The following HSPA14 variants were observed in gnomAD, a reference collection of about 807,000 sequenced individuals.
HSPA14 encodes heat shock protein family A (Hsp70) member 14.
HSPA14 carries 37 observed loss-of-function variants against 65.5 expected under a neutral mutation model. That is an observed-to-expected ratio of 0.56 (90% confidence interval 0.43 to 0.74). HSPA14 has a LOEUF of 0.74. Ranked by LOEUF, HSPA14 falls within the 30% of genes least tolerant of loss-of-function variation. The pLI is 0.00. For missense variants in HSPA14, 564 were observed against 607.6 expected (o/e 0.93, Z 0.75); for synonymous variants, 203 against 214.2 (o/e 0.95, Z 0.46).
In HSPA14 at chr10:14,841,834, C is replaced by T. The variant is rs184323566; in HGVS notation, c.221+1677C>T. Among the ~76,000 whole-genome samples, 477 of 152,346 alleles carry T rather than the reference C, an allele frequency of 3.1e-3. 2 individuals carry two copies. Among genetic ancestry groups the T allele is most frequent in the African/African-American group, 0.011 (456 of 41,580 alleles). ...CGTGGTCATGCTTGGACTCCTTTAG[C>T]GTTAGCTGCCTCATGGTCCAGGTGA... On this transcript the variant is annotated intron_variant, in intron 3 of 13. Coordinates refer to ENST00000378372, the MANE Select transcript of HSPA14 (RefSeq NM_016299.4).
chr10:14,869,208 TGA>T (rs1237412945), intron 12 of HSPA14, among the ~76,000 whole-genome samples: 1 of 150,724 alleles, frequency 6.6e-6, no homozygotes, highest in African/African-American at 2.5e-5. Flanking sequence ...TTATTAGTGA[TGA>T]GATATTGTGT....
chr10:14,842,473 C>T lies in HSPA14; in HGVS notation c.221+2316C>T. ...TCCGCCGCACCGAACGTCAGTGCCGCTCCAAGTTTAAAGTTCTGAAGGCAT... is the reference window on the plus strand; with the variant it reads ...TCCGCCGCACCGAACGTCAGTGCCGTTCCAAGTTTAAAGTTCTGAAGGCAT... On this transcript the variant is annotated intron_variant, in intron 3 of 13. Coordinates refer to ENST00000378372, the MANE Select transcript of HSPA14 (RefSeq NM_016299.4). This position sits in a 1 kb window ranked among gnomAD's most constrained non-coding sequence, Gnocchi z 5.2. 2 of 1,536,160 alleles carry T rather than the reference C, an allele frequency of 1.3e-6. No homozygotes were observed. Among genetic ancestry groups the T allele is most frequent in the South Asian group, 1.2e-5 (1 of 84,068 alleles).
At chr10:14,860,748 G>A (rs1451771907) in intron 10 of HSPA14, among the ~76,000 whole-genome samples, 2 of 152,108 alleles carry the variant, frequency 1.3e-5, no homozygotes, top group East Asian at 3.9e-4. Flanking sequence ...TGAAGAGTTC[G>A]CTGTAGATCG....
At position 14,838,446 on chromosome 10, in the gene HSPA14, T is replaced by C; in HGVS notation, c.44T>C (p.Val15Ala). The change falls in exon 1 of 14, where the codon GTG becomes GCG. Residue 15 changes from valine (V) to alanine (A), a missense_variant. By Grantham distance (64) the Val-to-Ala change is moderately conservative. Coordinates refer to ENST00000378372, the MANE Select transcript of HSPA14 (RefSeq NM_016299.4). ...CACCTGGGCTGCACCTCAGCCTGTG[T>C]GGCCGTCTATAAGGTGAGGGGCTGC... is the stretch of plus-strand genomic sequence containing the variant. ...GVHLGCTSAC[V>A]AVYKDGRAGV... 5 of 1,605,822 alleles carry C rather than the reference T, an allele frequency of 3.1e-6. No homozygotes were observed. Among genetic ancestry groups the C allele is most frequent in the Non-Finnish European group, 4.2e-6 (5 of 1,178,200 alleles).
chr10:14,846,450 G>T, intron 3 of HSPA14: 3 of 985,272 alleles, frequency 3.0e-6, no homozygotes, highest in Non-Finnish European at 3.6e-6. Flanking sequence ...TCAAGGGAAA[G>T]GTCTTGAATA....
intron 10 of HSPA14, among the ~76,000 whole-genome samples, chr10:14,865,550 A>C (rs956180997): frequency 6.6e-6 from 1 of 152,214 alleles, no homozygotes; most frequent in African/African-American, 2.4e-5. Flanking sequence ...TGGCTAGCCA[A>C]GTTTTCCCAG....
At chr10:14,855,632 A>T (rs767918436) in intron 9 of HSPA14, among the ~76,000 whole-genome samples, 4 of 151,992 alleles carry the variant, frequency 2.6e-5, no homozygotes, top group African/African-American at 9.7e-5. Context: ...AATGACCTAG[A>T]CTCTCCTGTC....
At position 14,848,914 on chromosome 10, in the gene HSPA14, A is replaced by AGT. The variant is rs1834086724; in HGVS notation, c.376+19_376+20insGT. 2 of 1,221,850 alleles carry AGT rather than the reference A, an allele frequency of 1.6e-6. No homozygotes were observed. Among genetic ancestry groups the AGT allele is most frequent in the African/African-American group, 3.0e-5 (2 of 65,852 alleles). The allele number at this position is 1,221,850 out of a possible 1,614,324, so 75.7% of individuals were successfully genotyped here. A position where few individuals can be genotyped will look rare whatever the true frequency, so the allele number is the denominator to read the frequency against. On this transcript the variant is annotated intron_variant, in intron 5 of 13. Coordinates refer to ENST00000378372, the MANE Select transcript of HSPA14 (RefSeq NM_016299.4). ...ATGAAAGGTATTTAGCAAAAGATAT[A>AGT]TAATAGTTACCTTTAATGATCTTTT...
Position 14,852,544 on chromosome 10 carries a change from G to A in HSPA14, c.734+13G>A. The stretch of plus-strand genomic sequence containing the variant: ...CTGAGTTCCAAAGGTGAGTGTTAAT[G>A]GCCTGAATAATACCTTCTGATTGAG... On this transcript the variant is annotated intron_variant, in intron 8 of 13. Transcript: ENST00000378372. 1 of 1,597,514 alleles carries A rather than the reference G, an allele frequency of 6.3e-7. No individual in the cohort carries two copies. Among genetic ancestry groups the A allele is most frequent in the Non-Finnish European group, 8.5e-7 (1 of 1,170,784 alleles).
At chr10:14,847,873 G>A (rs1834073980) in intron 3 of HSPA14, among the ~76,000 whole-genome samples, 1 of 152,184 alleles carries the variant, frequency 6.6e-6, no homozygotes, top group African/African-American at 2.4e-5. Flanking sequence ...TACAAGATGA[G>A]TGGGAGGCAG....
At chr10:14,863,136 G>A (rs928125235) in intron 10 of HSPA14, among the ~76,000 whole-genome samples, 1 of 152,096 alleles carries the variant, frequency 6.6e-6, no homozygotes, top group Non-Finnish European at 1.5e-5. Context: ...AACTATCATT[G>A]TATACCTGGG....
chr10:14,867,195 T>G lies in HSPA14; in HGVS notation c.1106T>G (p.Ile369Ser). 1 of 1,613,400 alleles carries G rather than the reference T, an allele frequency of 6.2e-7. No homozygotes were observed. The highest frequency in any genetic ancestry group is 1.7e-5 in the Admixed American group (1 of 60,024). The change falls in exon 11 of 14, where the codon ATT becomes AGT. Residue 369 changes from isoleucine to serine, a missense_variant. Coordinates refer to ENST00000378372, the MANE Select transcript of HSPA14 (RefSeq NM_016299.4). The stretch of plus-strand genomic sequence containing the variant: ...ATCCCTCCTGATGAAGTGATCCCTA[T>G]TGGTGCAGCTATAGAAGCAGGAATT... Reference protein sequence around the residue: ...NSIPPDEVIPIGAAIEAGILI... With the variant: ...NSIPPDEVIPSGAAIEAGILI...
intron 7 of HSPA14, among the ~76,000 whole-genome samples, chr10:14,851,993 A>G (rs1042963700): frequency 1.3e-5 from 2 of 152,234 alleles, no homozygotes; most frequent in Non-Finnish European, 1.5e-5. Flanking sequence ...TTGCATATGT[A>G]ATATATCTAC....
chr10:14,838,388 C>A lies in HSPA14; in HGVS notation c.-15C>A, dbSNP rs372179968. 4 of 1,598,516 alleles carry A rather than the reference C, an allele frequency of 2.5e-6. No individual in the cohort carries two copies. Among genetic ancestry groups the A allele is most frequent in the African/African-American group, 1.3e-5 (1 of 74,822 alleles). On this transcript the variant is annotated 5_prime_UTR_variant, in exon 1 of 14. Coordinates refer to ENST00000378372, the MANE Select transcript of HSPA14 (RefSeq NM_016299.4). ...GGGACCCCCTCATTCCTGCCGCTGC[C>A]GTCCCTGCTGCCTCATGGCGGCCAT...
At chr10:14,850,027 C>T (rs1053672044) in intron 6 of HSPA14, among the ~76,000 whole-genome samples, 2 of 151,988 alleles carry the variant, frequency 1.3e-5, no homozygotes, top group Non-Finnish European at 2.9e-5. Context: ...CACTTTGGGA[C>T]ACTGACGGGG....
At chr10:14,850,370 T>C (rs1456883784) in intron 6 of HSPA14, among the ~76,000 whole-genome samples, 1 of 152,268 alleles carries the variant, frequency 6.6e-6, no homozygotes, top group Non-Finnish European at 1.5e-5. Flanking sequence ...TTGACATTTA[T>C]GAATCTCTTT....
Position 14,840,166 on chromosome 10 carries a change from T to C in HSPA14, c.221+9T>C. Reference sequence around the variant, plus strand: ...CAGATCCTGGGCAGAAGGTATGGAATCAAATGATACTTTTAAATATGGTAA... The same window carrying C: ...CAGATCCTGGGCAGAAGGTATGGAACCAAATGATACTTTTAAATATGGTAA... On this transcript the variant is annotated intron_variant, in intron 3 of 13. Transcript: ENST00000378372. 1 of 1,310,194 alleles carries C rather than the reference T, an allele frequency of 7.6e-7. No homozygotes were observed. Among genetic ancestry groups the C allele is most frequent in the Non-Finnish European group, 1.0e-6 (1 of 967,322 alleles). The allele number at this position is 1,310,194 out of a possible 1,614,324, so 81.2% of individuals were successfully genotyped here.
Position 14,867,828 on chromosome 10 carries a change from T to C in HSPA14, c.1299T>C (p.Pro433=). The change falls in exon 12 of 14, where the codon CCT becomes CCC. Residue 433 remains proline, a synonymous_variant. Coordinates refer to ENST00000378372, the MANE Select transcript of HSPA14 (RefSeq NM_016299.4). The part of the protein sequence containing the change: ...PARRQHTLQA[P]GSISSVCLEL... ...GAAGACAACACACATTGCAAGCCCC[T>C]GGAAGCATATCTTCAGTGTGCCTTG... 6.2e-7 allele frequency: 1 copy of C among 1,614,162 alleles called. No homozygotes were observed. Among genetic ancestry groups the C allele is most frequent in the Non-Finnish European group, 8.5e-7 (1 of 1,180,014 alleles).
chr10:14,842,892 C>G lies in HSPA14; in HGVS notation c.221+2735C>G, dbSNP rs544622745. ...GGAGTTGGGTCCCAGAGTCTTGTGGCTCTAAACATTTAGCTGTGTCTGTTT... is the reference window on the plus strand; with the variant it reads ...GGAGTTGGGTCCCAGAGTCTTGTGGGTCTAAACATTTAGCTGTGTCTGTTT... On this transcript the variant is annotated intron_variant, in intron 3 of 13. Transcript: ENST00000378372. This position sits in a 1 kb window ranked among gnomAD's most constrained non-coding sequence, Gnocchi z 5.2. 2.2e-5 allele frequency: 29 copies of G among 1,310,922 alleles called. 1 individual carries two copies. In the South Asian group the frequency reaches 4.0e-4, roughly 18 times the overall value. 81.2% of individuals were successfully genotyped at this position (1,310,922 alleles called of 1,614,324 possible). A position where few individuals can be genotyped will look rare whatever the true frequency, so the allele number is the denominator to read the frequency against.
Sources: allele counts gnomAD v4.1 joint callset (sites outside exome capture counted in the v4.1 genomes callset), GRCh38; gene constraint gnomAD v4.1.1; non-coding constraint Gnocchi (gnomAD v3.1); transcripts MANE v1.5; gene names NCBI Gene and HGNC (gene_info 2026-07-23, HGNC 2026-07-21).